Variants in SLC44A3 observed in about 807,000 individuals in gnomAD.
SLC44A3 encodes the protein choline transporter-like protein 3.
A neutral mutation model predicts 75.4 loss-of-function variants in SLC44A3; 74 were observed. The observed-to-expected ratio is 0.98, with a 90% CI of 0.81 to 1.19. SLC44A3 has a LOEUF of 1.19. SLC44A3 is among the 50% of genes most tolerant of loss of function. The pLI, the probability that SLC44A3 is intolerant of heterozygous loss-of-function variation, is 0.00. For missense variants in SLC44A3, 700 were observed against 778.6 expected (o/e 0.90, Z 1.20); for synonymous variants, 310 against 296.9 (o/e 1.04, Z -0.45).
chr1:94,886,423 G>C (rs1308391263), intron 12 of SLC44A3, among the ~76,000 whole-genome samples: 1 of 152,128 alleles, frequency 6.6e-6, no homozygotes, highest in Non-Finnish European at 1.5e-5. Flanking sequence ...GACTCTTCCA[G>C]ACCTGTTTCC....
chr1:94,836,862 G>A (rs1012448972), intron 5 of SLC44A3: 1 of 147,484 alleles, frequency 6.8e-6, no homozygotes, highest in Non-Finnish European at 1.5e-5. Flanking sequence ...AGTGGCCCAT[G>A]ATCGAGCCAC....
chr1:94,832,805 C>G (rs1662292849), intron 5 of SLC44A3, among the ~76,000 whole-genome samples: 1 of 152,134 alleles, frequency 6.6e-6, no homozygotes, highest in Admixed American at 6.6e-5. Context: ...GAGACCATGT[C>G]TCTACAAAAA....
intron 2 of SLC44A3, among the ~76,000 whole-genome samples, chr1:94,822,144 CTGT>C (rs1172702578): frequency 1.3e-5 from 2 of 152,092 alleles, no homozygotes; most frequent in African/African-American, 4.8e-5. Context: ...TGACCTCAAG[CTGT>C]TATTGTGATT....
In SLC44A3 at chr1:94,837,800, C is replaced by G. The variant is rs762417133; in HGVS notation, c.599C>G (p.Thr200Ser). 4.3e-6 allele frequency: 7 copies of G among 1,612,864 alleles called. No homozygotes were observed. In the Admixed American group the frequency reaches 1.2e-4, roughly 27 times the overall value. ...FASVLINDVD[T>S]LHRILSGIMS... ...TCTGTTTTGATAAATGATGTTGACA[C>G]CCTCCACCGAATTCTAAGTGGAATC... is the stretch of plus-strand genomic sequence containing the variant. The change falls in exon 6 of 15, where the codon ACC (threonine) becomes AGC (serine). Residue 200 changes from threonine to serine, a missense_variant. By Grantham distance (58) the Thr-to-Ser change is moderately conservative (BLOSUM62 1). Coordinates refer to ENST00000271227, the MANE Select transcript of SLC44A3 (RefSeq NM_001114106.3).
intron 12 of SLC44A3, among the ~76,000 whole-genome samples, chr1:94,877,723 A>G (rs975541437): frequency 5.3e-5 from 8 of 152,182 alleles, no homozygotes; most frequent in African/African-American, 1.2e-4. Context: ...GGCTTTGACA[A>G]TGTTTCAAGT....
In SLC44A3 at chr1:94,895,204, T is replaced by G. The variant is rs1414059757; in HGVS notation, c.*282T>G. The G allele has an allele frequency of 3.5e-6, 1 of 285,674 alleles. No homozygotes were observed. The highest frequency in any genetic ancestry group is 2.1e-5 in the African/African-American group (1 of 46,584). 17.7% of individuals were successfully genotyped at this position (285,674 alleles called of 1,614,324 possible). A position where few individuals can be genotyped will look rare whatever the true frequency, so the allele number is the denominator to read the frequency against. On this transcript the variant is annotated 3_prime_UTR_variant, in exon 15 of 15. Coordinates refer to ENST00000271227, the MANE Select transcript of SLC44A3 (RefSeq NM_001114106.3). ...ACACTATGTAAGAACTGAGGTAAGT[T>G]TGTAAGTGCACAACTAATAAATAAA... is the stretch of plus-strand genomic sequence containing the variant.
At chr1:94,843,752 G>C (rs1156304294) in intron 8 of SLC44A3, among the ~76,000 whole-genome samples, 1 of 152,012 alleles carries the variant, frequency 6.6e-6, no homozygotes, top group African/African-American at 2.4e-5. Flanking sequence ...TGATAGGTTT[G>C]ATCTTTCTCC....
chr1:94,872,268 A>C (rs1184116561), intron 12 of SLC44A3, among the ~76,000 whole-genome samples: 2 of 151,494 alleles, frequency 1.3e-5, no homozygotes, highest in East Asian at 3.9e-4. Flanking sequence ...CACCTGGCTG[A>C]TTTTGTATTT....
chr1:94,873,939 C>T (rs1668019343), intron 12 of SLC44A3, among the ~76,000 whole-genome samples: 1 of 152,234 alleles, frequency 6.6e-6, no homozygotes, highest in Non-Finnish European at 1.5e-5. Context: ...ATCCAGACAG[C>T]CATTCTTTCA....
intron 14 of SLC44A3, 122 bp from the exon 15 acceptor site, chr1:94,894,696 C>A: frequency 1.4e-6 from 1 of 726,720 alleles, no homozygotes; most frequent in Non-Finnish European, 2.3e-6. Context: ...TGTTAATCTG[C>A]CTTTTGTAAG....
intron 12 of SLC44A3, among the ~76,000 whole-genome samples, chr1:94,871,042 G>A (rs1667716477): frequency 6.6e-6 from 1 of 152,162 alleles, no homozygotes; most frequent in Non-Finnish European, 1.5e-5. Flanking sequence ...GCTTAGAGGA[G>A]GCACATAGTG....
At chr1:94,877,677 C>T (rs994552970) in intron 12 of SLC44A3, among the ~76,000 whole-genome samples, 3 of 151,870 alleles carry the variant, frequency 2.0e-5, no homozygotes, top group African/African-American at 7.3e-5. Flanking sequence ...CTAGGTGGGG[C>T]GAAAAAGTTC....
rs566553595 is a variant in SLC44A3 at position 94,850,142 on chromosome 1, T to C, written c.1072+4678T>C. Among the ~76,000 whole-genome samples the C allele has an allele frequency of 7.9e-5, 12 of 152,328 alleles. No individual in the cohort carries two copies. The South Asian group carries it at 2.3e-3, about 29-fold the overall frequency. On this transcript the variant is annotated intron_variant, in intron 9 of 14. Coordinates refer to ENST00000271227, the MANE Select transcript of SLC44A3 (RefSeq NM_001114106.3). The stretch of plus-strand genomic sequence containing the variant: ...TTTTTGCCCAGATGGGCTATTTTTC[T>C]AATGACTGTTAATCATTCTTTTGAC...
At chr1:94,876,810 G>C (rs1340098103) in intron 12 of SLC44A3, among the ~76,000 whole-genome samples, 1 of 152,162 alleles carries the variant, frequency 6.6e-6, no homozygotes. Context: ...CTGGACGGGT[G>C]GAAAATTTAA....
chr1:94,883,695 A>G (rs1052266929), intron 12 of SLC44A3, among the ~76,000 whole-genome samples: 1 of 152,230 alleles, frequency 6.6e-6, no homozygotes, highest in Non-Finnish European at 1.5e-5. Context: ...TAAAAAAACA[A>G]TAAGTACTCT....
intron 5 of SLC44A3, among the ~76,000 whole-genome samples, chr1:94,836,486 G>A (rs748439451): frequency 1.3e-5 from 2 of 152,274 alleles, no homozygotes; most frequent in African/African-American, 2.4e-5. Context: ...TAAACAGGAC[G>A]GAATTAAGCT....
rs372884798 is a variant in SLC44A3, at chr1:94,874,428, G to A, written c.1482+7011G>A. Reference sequence around the variant, plus strand: ...GTGGGCCTTAGTGCTCAGTCCTTTGGGGTAAGGCCCAGTGAGCAGCCGCCA... The same window carrying A: ...GTGGGCCTTAGTGCTCAGTCCTTTGAGGTAAGGCCCAGTGAGCAGCCGCCA... On this transcript the variant is annotated intron_variant, in intron 12 of 14. Coordinates refer to ENST00000271227, the MANE Select transcript of SLC44A3 (RefSeq NM_001114106.3). 2.7e-4 allele frequency among the ~76,000 whole-genome samples: 41 copies of A among 152,334 alleles called. 1 individual carries two copies. In the East Asian group the frequency reaches 7.5e-3, roughly 28 times the overall value.
chr1:94,880,871 G>A (rs1571431101), intron 12 of SLC44A3, among the ~76,000 whole-genome samples: 1 of 146,694 alleles, frequency 6.8e-6, no homozygotes, highest in South Asian at 2.2e-4. Context: ...GGCTAAGATG[G>A]TAAATGAATG....
chr1:94,849,571 G>A (rs1427057866), intron 9 of SLC44A3, among the ~76,000 whole-genome samples: 2 of 152,150 alleles, frequency 1.3e-5, no homozygotes, highest in Non-Finnish European at 1.5e-5. Context: ...GGGACTCTGA[G>A]CCGCTTTCAC....
Sources: allele counts gnomAD v4.1 joint callset (sites outside exome capture counted in the v4.1 genomes callset), GRCh38; gene constraint gnomAD v4.1.1; transcripts MANE v1.5; gene names NCBI Gene and HGNC (gene_info 2026-07-23, HGNC 2026-07-21).